PPME1: variants seen among roughly 807,000 people sequenced by gnomAD.
PPME1 encodes protein phosphatase methylesterase 1, also known as testicular secretory protein Li 39.
A neutral mutation model predicts 56.9 loss-of-function variants in PPME1; 17 were observed. The observed-to-expected ratio is 0.30, with a 90% CI of 0.20 to 0.45. The LOEUF is 0.45. Among genes scored for constraint, PPME1 ranks in the 20% least tolerant of loss-of-function variants. The pLI is 1.00. For synonymous variants in PPME1, 122 were observed against 156.2 expected, an observed-to-expected ratio of 0.78 and a Z score of 1.63; for missense variants, 357 against 483.2, an observed-to-expected ratio of 0.74 and a Z score of 2.45.
chr11:74,193,653 CTT>C (rs1857902608), intron 1 of PPME1, among the ~76,000 whole-genome samples: 1 of 151,186 alleles, frequency 6.6e-6, no homozygotes, highest in African/African-American at 2.4e-5. Flanking sequence ...TATTTCTTAA[CTT>C]TTGTATTTTC....
intron 1 of PPME1, among the ~76,000 whole-genome samples, chr11:74,186,402 T>C (rs1857683664): frequency 6.6e-6 from 1 of 151,816 alleles, no homozygotes; most frequent in South Asian, 2.1e-4. Flanking sequence ...ATTTCAAGAA[T>C]GGGGAACTTA....
Position 74,222,292 on chromosome 11 carries a change from A to C in PPME1, c.289-20A>C. ...TTGTTATCCTAGATGTGTCTTAACT[A>C]CTTTTCCTTTTTCTCCTAGGCAGCG... On this transcript the variant is annotated intron_variant, in intron 3 of 13. Transcript: ENST00000328257. The C allele has an allele frequency of 6.3e-7, 1 of 1,586,696 alleles. No homozygotes were observed. The highest frequency in any genetic ancestry group is 8.7e-7 in the Non-Finnish European group (1 of 1,155,508).
intron 1 of PPME1, among the ~76,000 whole-genome samples, chr11:74,177,853 G>A (rs758858526): frequency 1.6e-4 from 25 of 152,092 alleles, no homozygotes; most frequent in Non-Finnish European, 2.8e-4. Context: ...CAGATTCCAA[G>A]TATTGACCTA....
intron 2 of PPME1, 89 bp from the exon 3 acceptor site, chr11:74,204,264 A>C: frequency 1.0e-6 from 1 of 998,634 alleles, no homozygotes; most frequent in Non-Finnish European, 1.5e-6. Flanking sequence ...GCAGTTTTGC[A>C]TGTAAGTTTC....
At position 74,239,120 on chromosome 11, in the gene PPME1, T is replaced by TA. The variant is rs778529534; in HGVS notation, c.711-6dup. On this transcript the variant is annotated splice_polypyrimidine_tract_variant and intron_variant, in intron 8 of 13. Transcript: ENST00000328257. ...AAAGAGGTGTGTAATAGCACTTTTT[T>TA]AAAAAAACCTAGGTGTGAAGGAATT... The TA allele has an allele frequency of 1.0e-5, 16 of 1,607,426 alleles. No homozygotes were observed. Among genetic ancestry groups the TA allele is most frequent in the Admixed American group, 8.6e-5 (5 of 58,230 alleles).
At chr11:74,172,563 T>G (rs945188579) in intron 1 of PPME1, among the ~76,000 whole-genome samples, 3 of 152,114 alleles carry the variant, frequency 2.0e-5, no homozygotes, top group East Asian at 3.8e-4. Context: ...GTAGAAGAGA[T>G]AGGTTTTGGA....
chr11:74,214,323 C>T (rs1300140489), intron 3 of PPME1, among the ~76,000 whole-genome samples: 13 of 151,982 alleles, frequency 8.6e-5, no homozygotes, highest in Non-Finnish European at 1.8e-4. Context: ...TGCAGCACAC[C>T]TACAATAGAA....
intron 13 of PPME1, 42 bp downstream of exon 13, chr11:74,251,757 C>G: frequency 6.2e-7 from 1 of 1,606,136 alleles, no homozygotes; most frequent in African/African-American, 1.3e-5. Context: ...CAGTGCTGGC[C>G]GAATCTGACA....
intron 10 of PPME1, among the ~76,000 whole-genome samples, chr11:74,246,547 T>C (rs562481992): frequency 1.8e-4 from 28 of 152,308 alleles, no homozygotes; most frequent in African/African-American, 6.0e-4. Flanking sequence ...ACATTGGGAA[T>C]TGGGGCTTCA....
intron 1 of PPME1, among the ~76,000 whole-genome samples, chr11:74,174,994 A>C (rs1320798067): frequency 1.3e-5 from 2 of 152,164 alleles, no homozygotes; most frequent in Admixed American, 6.5e-5. Flanking sequence ...ATGCCAATGG[A>C]TGTTGCCAAA....
At position 74,222,467 on chromosome 11, in the gene PPME1, A is replaced by G. The variant is rs182018216; in HGVS notation, c.346+98A>G. 404 of 1,067,142 alleles carry G rather than the reference A, an allele frequency of 3.8e-4. 2 individuals carry two copies. The Middle Eastern group carries it at 5.0e-3, about 13-fold the overall frequency. The allele number at this position is 1,067,142 out of a possible 1,614,324, so 66.1% of individuals were successfully genotyped here. ...GAAATTTCAACGTGGCCATAAAATA[A>G]CCTGGTCTATTCCATTTGAGCTTTT... On this transcript the variant is annotated intron_variant, in intron 4 of 13. Coordinates refer to ENST00000328257, the MANE Select transcript of PPME1 (RefSeq NM_016147.3).
chr11:74,182,063 T>C (rs1198065464), intron 1 of PPME1, among the ~76,000 whole-genome samples: 1 of 152,218 alleles, frequency 6.6e-6, no homozygotes, highest in Non-Finnish European at 1.5e-5. Context: ...CCGTAGGCTG[T>C]AGTTTGCCAA....
intron 9 of PPME1, among the ~76,000 whole-genome samples, chr11:74,244,120 T>C (rs1400745248): frequency 6.6e-6 from 1 of 152,244 alleles, no homozygotes; most frequent in Non-Finnish European, 1.5e-5. Context: ...CTTTCCTTTT[T>C]ATGGCTGAAT....
chr11:74,232,991 G>A (rs1245449385), intron 7 of PPME1, among the ~76,000 whole-genome samples: 1 of 150,478 alleles, frequency 6.6e-6, no homozygotes, highest in East Asian at 2.0e-4. Flanking sequence ...ATGGGTATGA[G>A]CCACTACGCC....
In PPME1 at chr11:74,203,000, T is replaced by A. The variant is rs1286770744; in HGVS notation, c.102-728T>A. On this transcript the variant is annotated intron_variant, in intron 1 of 13. Transcript: ENST00000328257. ...GAATTATATATTCATATATAAAGAT[T>A]TTTATTAATATATTTGTTCATTTTT... is the stretch of plus-strand genomic sequence containing the variant. Among the ~76,000 whole-genome samples the A allele has an allele frequency of 2.0e-5, 3 of 152,250 alleles. No individual in the cohort carries two copies. In the East Asian group the frequency reaches 5.8e-4, roughly 29 times the overall value.
intron 1 of PPME1, among the ~76,000 whole-genome samples, chr11:74,199,754 C>T (rs1432783919): frequency 6.6e-6 from 1 of 152,200 alleles, no homozygotes; most frequent in Non-Finnish European, 1.5e-5. Flanking sequence ...TTCACAGTTC[C>T]ACATGGCTGG....
intron 1 of PPME1, among the ~76,000 whole-genome samples, chr11:74,196,015 T>C (rs2135611024): frequency 6.6e-6 from 1 of 152,314 alleles, no homozygotes; most frequent in African/African-American, 2.4e-5. Context: ...ATAAACAGTG[T>C]TTCTATAATG....
In PPME1 at chr11:74,242,652, G is replaced by A. The variant is rs992822492; in HGVS notation, c.834+3396G>A. ...TCTCAGCGCTTTGGGAGGCCGAGGT[G>A]GGTGGATCACGAGGTCAGGAGATTG... On this transcript the variant is annotated intron_variant, in intron 9 of 13. Coordinates refer to ENST00000328257, the MANE Select transcript of PPME1 (RefSeq NM_016147.3). Among the ~76,000 whole-genome samples the A allele has an allele frequency of 2.6e-5, 4 of 151,838 alleles. 1 individual carries two copies. The highest frequency in any genetic ancestry group is 5.9e-5 in the Non-Finnish European group (4 of 67,978).
At chr11:74,198,562 A>G (rs531321132) in intron 1 of PPME1, among the ~76,000 whole-genome samples, 6 of 152,182 alleles carry the variant, frequency 3.9e-5, no homozygotes, top group Admixed American at 6.5e-5. Context: ...CCTGGTCTCA[A>G]ATGATCCTCC....
Sources: allele counts gnomAD v4.1 joint callset (sites outside exome capture counted in the v4.1 genomes callset), GRCh38; gene constraint gnomAD v4.1.1; transcripts MANE v1.5; gene names NCBI Gene and HGNC (gene_info 2026-07-23, HGNC 2026-07-21).